The following DIP2A variants were observed in gnomAD, a reference collection of about 807,000 sequenced individuals.
DIP2A encodes disco-interacting protein 2 homolog A.
In DIP2A, 85 loss-of-function variants were observed where a neutral mutation model predicts 177.4. The observed-to-expected ratio is 0.48, with a 90% CI of 0.40 to 0.57. The LOEUF is 0.57. DIP2A is among the 20% of genes least tolerant of loss of function. DIP2A has a pLI of 0.00. For missense variants in DIP2A, 1,791 were observed against 2,100.2 expected (o/e 0.85, Z 2.88); for synonymous variants, 886 against 881.8 (o/e 1.00, Z -0.08).
At position 46,461,271 on chromosome 21, in the gene DIP2A, C is replaced by CAAAAAAAAAAAAAAAAAAAAAAAAA. The variant is rs60346777; in HGVS notation, c.91+2071_91+2072insAAAAAAAAAAAAAAAAAAAAAAAAA. Among the ~76,000 whole-genome samples, 10 of 49,316 alleles carry CAAAAAAAAAAAAAAAAAAAAAAAAA rather than the reference C, an allele frequency of 2.0e-4. 1 individual carries two copies. Among genetic ancestry groups the CAAAAAAAAAAAAAAAAAAAAAAAAA allele is most frequent in the Non-Finnish European group, 2.0e-4 (6 of 29,352 alleles). The allele number at this position is 49,316 out of a possible 152,430, so 32.4% of individuals were successfully genotyped here. On this transcript the variant is annotated intron_variant, in intron 1 of 37. Transcript: ENST00000417564. ...AGAGCGAGAACCTGTCTCTTCTCAC[C>CAAAAAAAAAAAAAAAAAAAAAAAAA]AAAAAAAAAAAAAAAAAAAAAAGGA...
At chr21:46,507,549 C>T (rs776925598) in intron 6 of DIP2A, among the ~76,000 whole-genome samples, 2 of 151,950 alleles carry the variant, frequency 1.3e-5, no homozygotes, top group Non-Finnish European at 2.9e-5. Context: ...TATTTCTGGG[C>T]TCTGGGCTCT....
At chr21:46,504,176 G>A (rs2148575666) in intron 5 of DIP2A, 185 bp from the exon 6 acceptor site, 1 of 733,118 alleles carries the variant, frequency 1.4e-6, no homozygotes, top group Non-Finnish European at 2.3e-6. Context: ...TGCATAACGT[G>A]TCTGGGAGTT....
chr21:46,533,932 G>T, intron 11 of DIP2A, 72 bp from the exon 12 acceptor site: 3 of 1,292,370 alleles, frequency 2.3e-6, no homozygotes, highest in Non-Finnish European at 3.3e-6. Flanking sequence ...CATGTTGGAG[G>T]CGCAGGCTTC....
At chr21:46,567,275 C>G in intron 37 of DIP2A, 95 bp from the exon 38 acceptor site, 4,676 of 1,332,988 alleles carry the variant, frequency 3.5e-3, no homozygotes, top group Non-Finnish European at 4.5e-3. Flanking sequence ...CATTGGTGGG[C>G]TTCACTCTTC....
intron 8 of DIP2A, among the ~76,000 whole-genome samples, chr21:46,517,054 C>CTTTTTTT (rs71318086): frequency 3.3e-5 from 2 of 60,824 alleles, no homozygotes; most frequent in Non-Finnish European, 5.8e-5. Flanking sequence ...TTTTCTCTCT[C>CTTTTTTT]TTTTTTTTTT....
At chr21:46,566,524 G>A in intron 36 of DIP2A, 36 bp from the exon 37 acceptor site, 1 of 1,613,554 alleles carries the variant, frequency 6.2e-7, no homozygotes, top group South Asian at 1.1e-5. Flanking sequence ...GCATGCCTTG[G>A]CTTTCTGGGC....
chr21:46,464,878 A>G (rs569606513), intron 1 of DIP2A, among the ~76,000 whole-genome samples: 25 of 129,104 alleles, frequency 1.9e-4, no homozygotes, highest in Non-Finnish European at 3.6e-4. Flanking sequence ...AGAATATGAG[A>G]TAGGGAAGTT....
In DIP2A at chr21:46,511,507, C is replaced by G. The variant is rs374372447; in HGVS notation, c.995C>G (p.Pro332Arg). ...CCTCTCACTGCAGGTGTCCCCCGAC[C>G]GCCGTCGCTGTTGGCCACCTTGCAG... ...GEPLTAGVPR[P>R]PSLLATLQRW... Residue 332 changes from proline (P) to arginine (R), a missense_variant, in exon 8 of 38, where the codon CCG becomes CGG. Transcript: ENST00000417564. The G allele has an allele frequency of 1.4e-5, 23 of 1,612,696 alleles. No homozygotes were observed. The Admixed American group carries it at 1.7e-4, about 12-fold the overall frequency.
At chr21:46,562,876 C>T (rs1367793461) in intron 34 of DIP2A, among the ~76,000 whole-genome samples, 2 of 152,192 alleles carry the variant, frequency 1.3e-5, no homozygotes, top group African/African-American at 2.4e-5. Flanking sequence ...TGTGAGCCGC[C>T]ATCGCACACA....
At chr21:46,566,201 CA>C (rs2060832461) in intron 36 of DIP2A, among the ~76,000 whole-genome samples, 1 of 152,216 alleles carries the variant, frequency 6.6e-6, no homozygotes, top group Admixed American at 6.5e-5. Flanking sequence ...TCCCCATGCA[CA>C]ACCCATTTAA....
At chr21:46,475,954 G>T (rs1047498003) in intron 1 of DIP2A, among the ~76,000 whole-genome samples, 1 of 152,050 alleles carries the variant, frequency 6.6e-6, no homozygotes, top group African/African-American at 2.4e-5. Context: ...TATGATGATT[G>T]GCTGGGCGCA....
intron 8 of DIP2A, among the ~76,000 whole-genome samples, chr21:46,527,462 AT>A (rs2059149937): frequency 6.7e-6 from 1 of 149,170 alleles, no homozygotes; most frequent in Non-Finnish European, 1.5e-5. Context: ...AGTAGTTGGG[AT>A]TACAGTGTGT....
the DIP2A span, among the ~76,000 whole-genome samples, chr21:46,581,845 A>T: frequency 6.6e-6 from 1 of 152,114 alleles, no homozygotes; most frequent in African/African-American, 2.4e-5. Flanking sequence ...GAGGGACACC[A>T]ACCTGATGCT....
intron 8 of DIP2A, among the ~76,000 whole-genome samples, chr21:46,522,713 A>G: frequency 6.6e-6 from 1 of 152,176 alleles, no homozygotes; most frequent in Non-Finnish European, 1.5e-5. Flanking sequence ...ACCGTCAGAT[A>G]ACACAGTGCT....
At chr21:46,565,632 CT>C in intron 35 of DIP2A, 80 bp from the exon 36 acceptor site, 1 of 1,402,156 alleles carries the variant, frequency 7.1e-7, no homozygotes, top group Non-Finnish European at 9.7e-7. Context: ...GAGCATTATT[CT>C]TGGCCAGTGG....
rs555843899 is a variant in DIP2A at position 46,557,456 on chromosome 21, C to T, written c.3630-129C>T. 1.3e-5 allele frequency: 15 copies of T among 1,170,548 alleles called. No homozygotes were observed. The highest frequency in any genetic ancestry group is 2.6e-5 in the Admixed American group (1 of 37,798). 72.5% of individuals were successfully genotyped at this position (1,170,548 alleles called of 1,614,324 possible). A position where few individuals can be genotyped will look rare whatever the true frequency, so the allele number is the denominator to read the frequency against. ...TGGCATGTTTTCCACCAAACCCCCC[C>T]ACTTGGCGTCAGAACAGAAATCATG... On this transcript the variant is annotated intron_variant, in intron 30 of 37. Transcript: ENST00000417564. This position sits in a 1 kb window ranked among gnomAD's most constrained non-coding sequence, Gnocchi z 6.0.
intron 8 of DIP2A, among the ~76,000 whole-genome samples, chr21:46,513,557 G>C (rs985584437): frequency 4.6e-5 from 7 of 152,076 alleles, no homozygotes; most frequent in African/African-American, 1.4e-4. Context: ...TTGGCTCTTT[G>C]TATTTCCAAG....
chr21:46,563,127 A>G lies in DIP2A; in HGVS notation c.4090-731A>G, dbSNP rs1365025651. On this transcript the variant is annotated intron_variant, in intron 34 of 37. Coordinates refer to ENST00000417564, the MANE Select transcript of DIP2A (RefSeq NM_015151.4). This position sits in a 1 kb window ranked among gnomAD's most constrained non-coding sequence, Gnocchi z 4.3. The stretch of plus-strand genomic sequence containing the variant: ...ATGCAGGGAGAAGATGGAGGCTCCA[A>G]CAGCATCTGGGGAAACAGAACAGTC... Among the ~76,000 whole-genome samples, 2 of 152,296 alleles carry G rather than the reference A, an allele frequency of 1.3e-5. No homozygotes were observed. Among genetic ancestry groups the G allele is most frequent in the South Asian group, 2.1e-4 (1 of 4,826 alleles).
intron 32 of DIP2A, chr21:46,559,115 A>G (rs1036751743): frequency 6.6e-6 from 1 of 151,908 alleles, no homozygotes; most frequent in Non-Finnish European, 1.5e-5. Context: ...AAAAAAAAAA[A>G]AAAAAAAAAC....
Sources: allele counts gnomAD v4.1 joint callset (sites outside exome capture counted in the v4.1 genomes callset), GRCh38; gene constraint gnomAD v4.1.1; non-coding constraint Gnocchi (gnomAD v3.1); transcripts MANE v1.5; gene names NCBI Gene and HGNC (gene_info 2026-07-23, HGNC 2026-07-21).